Variants in ANO6 observed in about 807,000 individuals in gnomAD.
ANO6 encodes anoctamin 6.
ANO6 carries 106 observed loss-of-function variants against 117.5 expected under a neutral mutation model. That is an observed-to-expected ratio of 0.90 (90% CI 0.77 to 1.06). The LOEUF is 1.06. Ranked by LOEUF, ANO6 falls within the 50% of genes least tolerant of loss-of-function variation. ANO6 has a pLI of 0.00. For synonymous variants in ANO6, 367 were observed against 385.1 expected, an observed-to-expected ratio of 0.95 and a Z score of 0.55; for missense variants, 955 against 1,121.1, an observed-to-expected ratio of 0.85 and a Z score of 2.12.
chr12:45,436,076 A>G (rs1022073790), downstream of ANO6, among the ~76,000 whole-genome samples: 1 of 152,156 alleles, frequency 6.6e-6, no homozygotes, highest in Non-Finnish European at 1.5e-5. Context: ...AACCTAAACA[A>G]CACCTCTCTA....
At chr12:45,343,093 G>A (rs575305115) in intron 3 of ANO6, among the ~76,000 whole-genome samples, 232 of 152,266 alleles carry the variant, frequency 1.5e-3, no homozygotes, top group South Asian at 7.7e-3. Context: ...GGTAATGAGC[G>A]TAAGGAGCAC....
At chr12:45,263,803 C>T (rs1417944737) in intron 1 of ANO6, among the ~76,000 whole-genome samples, 2 of 152,110 alleles carry the variant, frequency 1.3e-5, no homozygotes, top group African/African-American at 4.8e-5. Flanking sequence ...ATTTCAGAGG[C>T]CTTGGTTTGA....
At chr12:45,238,249 C>T (rs1025929777) in intron 1 of ANO6, among the ~76,000 whole-genome samples, 77 of 149,840 alleles carry the variant, frequency 5.1e-4, no homozygotes, top group African/African-American at 1.6e-3. Flanking sequence ...CTCCCGGGTT[C>T]AAGTGATTCT....
intron 8 of ANO6, among the ~76,000 whole-genome samples, chr12:45,358,897 G>A (rs1035544487): frequency 1.3e-5 from 2 of 151,664 alleles, no homozygotes; most frequent in Non-Finnish European, 2.9e-5. Context: ...CGAGTCTCCT[G>A]CCTCAGCCTC....
chr12:45,359,883 T>A (rs1941509742), intron 8 of ANO6, among the ~76,000 whole-genome samples: 1 of 152,222 alleles, frequency 6.6e-6, no homozygotes, highest in Non-Finnish European at 1.5e-5. Context: ...CCAAAGTGAC[T>A]GCATATTCCA....
chr12:45,287,222 CAG>C (rs914381726), intron 1 of ANO6, among the ~76,000 whole-genome samples: 3 of 152,134 alleles, frequency 2.0e-5, no homozygotes, highest in African/African-American at 7.2e-5. Flanking sequence ...GGATATTGAA[CAG>C]AGAGCTGAAT....
intron 2 of ANO6, among the ~76,000 whole-genome samples, chr12:45,308,789 C>T (rs1246081207): frequency 1.3e-5 from 2 of 152,056 alleles, no homozygotes; most frequent in Non-Finnish European, 2.9e-5. Context: ...ACCACACTGC[C>T]CTGCTGTGTG....
intron 12 of ANO6, among the ~76,000 whole-genome samples, chr12:45,398,871 AT>A (rs1272927464): frequency 6.6e-6 from 1 of 152,170 alleles, no homozygotes; most frequent in African/African-American, 2.4e-5. Flanking sequence ...ATTTAATGTT[AT>A]TTTTGTTAGA....
chr12:45,344,367 C>T (rs866433636), intron 3 of ANO6, among the ~76,000 whole-genome samples: 5 of 152,152 alleles, frequency 3.3e-5, no homozygotes, highest in Non-Finnish European at 5.9e-5. Flanking sequence ...AAGAACTACC[C>T]GAGACTGGGT....
At chr12:45,322,327 A>G (rs1158665188) in intron 2 of ANO6, among the ~76,000 whole-genome samples, 1 of 135,930 alleles carries the variant, frequency 7.4e-6, no homozygotes, top group Non-Finnish European at 1.6e-5. Context: ...GGATTTCAGG[A>G]CAGAGAAACC....
At chr12:45,307,615 T>C (rs1262018835) in intron 2 of ANO6, among the ~76,000 whole-genome samples, 1 of 152,120 alleles carries the variant, frequency 6.6e-6, no homozygotes, top group Admixed American at 6.6e-5. Flanking sequence ...CAACCCCCGA[T>C]GTGAGAGTTG....
intron 13 of ANO6, among the ~76,000 whole-genome samples, chr12:45,402,626 A>G (rs980124117): frequency 6.6e-6 from 1 of 152,166 alleles, no homozygotes. Context: ...AGGATGACCT[A>G]TTTTGTTTTT....
rs1938241316 is a variant in ANO6 at position 45,267,027 on chromosome 12, G to C, written c.71-34987G>C. Among the ~76,000 whole-genome samples, 7 of 152,106 alleles carry C rather than the reference G, an allele frequency of 4.6e-5. No homozygotes were observed. In the South Asian group the frequency reaches 1.5e-3, roughly 32 times the overall value. ...GGACATAGTGGGCTTTTCACCTGTT[G>C]AAGACTCTTGTGGGTGACTGTATCC... On this transcript the variant is annotated intron_variant, in intron 1 of 19. Transcript: ENST00000320560.
chr12:45,232,514 C>T (rs2137143452), intron 1 of ANO6, among the ~76,000 whole-genome samples: 1 of 152,326 alleles, frequency 6.6e-6, no homozygotes, highest in South Asian at 2.1e-4. Flanking sequence ...ACAAGTGCAC[C>T]TGTTATTTTT....
In ANO6 at chr12:45,261,384, GA is replaced by G. The variant is rs1565651359; in HGVS notation, c.71-40627del. On this transcript the variant is annotated intron_variant, in intron 1 of 19. Coordinates refer to ENST00000320560, the MANE Select transcript of ANO6 (RefSeq NM_001025356.3). Reference sequence around the variant, plus strand: ...GATTGGACACTTGATCTAAAGAGGGGAAAGGAAGGAAATTAATGATATTGAT... The same window carrying G: ...GATTGGACACTTGATCTAAAGAGGGGAAGGAAGGAAATTAATGATATTGAT... 3.3e-5 allele frequency among the ~76,000 whole-genome samples: 5 copies of G among 152,336 alleles called. No individual in the cohort carries two copies. The South Asian group carries it at 1.0e-3, about 32-fold the overall frequency.
chr12:45,250,781 A>G (rs76347585), intron 1 of ANO6, among the ~76,000 whole-genome samples: 1 of 151,244 alleles, frequency 6.6e-6, no homozygotes, highest in Non-Finnish European at 1.5e-5. Context: ...AAAAAAAAAA[A>G]AGAGACAGTG....
chr12:45,339,190 G>A (rs867128678), intron 3 of ANO6, among the ~76,000 whole-genome samples: 2 of 152,054 alleles, frequency 1.3e-5, no homozygotes, highest in Non-Finnish European at 2.9e-5. Context: ...CTAGAAAATA[G>A]GATTTACTAA....
intron 1 of ANO6, among the ~76,000 whole-genome samples, chr12:45,298,273 A>G (rs996936983): frequency 6.6e-6 from 1 of 152,244 alleles, no homozygotes; most frequent in African/African-American, 2.4e-5. Context: ...AGGCATAGTG[A>G]CAGGACTAAA....
At chr12:45,228,377 A>G (rs1477170734) in intron 1 of ANO6, 1 of 238,226 alleles carries the variant, frequency 4.2e-6, no homozygotes, top group Non-Finnish European at 8.1e-6. Flanking sequence ...GGGCTCAAGC[A>G]GTCCTCCCGC....
Sources: gnomAD v4.1 joint callset for allele counts (sites outside exome capture counted in the v4.1 genomes callset) on GRCh38, gnomAD v4.1.1 for gene constraint, MANE v1.5 for transcripts, NCBI Gene and HGNC (gene_info 2026-07-23, HGNC 2026-07-21) for gene names.